The following DDC variants were observed in gnomAD, a reference collection of about 807,000 sequenced individuals.
The protein encoded by DDC is aromatic-L-amino-acid decarboxylase.
In DDC, 43 loss-of-function variants were observed where a neutral mutation model predicts 60.0. That is an observed-to-expected ratio of 0.72 (90% CI 0.56 to 0.92). The LOEUF (loss-of-function observed/expected upper bound fraction) is 0.92, where lower values mean the gene tolerates loss of function less well. DDC is among the 40% of genes least tolerant of loss of function. The pLI is 0.00. For missense variants in DDC, 573 were observed against 620.2 expected, an observed-to-expected ratio of 0.92 and a Z score of 0.81; for synonymous variants, 232 against 234.6, an observed-to-expected ratio of 0.99 and a Z score of 0.10.
chr7:50,511,008 A>G, intron 6 of DDC, among the ~76,000 whole-genome samples: 2 of 145,708 alleles, frequency 1.4e-5, no homozygotes, highest in Middle Eastern at 3.5e-3. Context: ...AAAAAACTCA[A>G]CTGTTTAACA....
At chr7:50,508,950 C>G (rs1470750) in intron 6 of DDC, among the ~76,000 whole-genome samples, 44,969 of 152,104 alleles carry the variant, frequency 0.3, 8,190 homozygotes, top group Non-Finnish European at 0.41. Flanking sequence ...AAGAAAGGCA[C>G]CATGCCCAGA....
intron 3 of DDC, among the ~76,000 whole-genome samples, chr7:50,539,360 C>T (rs576755030): frequency 8.5e-5 from 13 of 152,176 alleles, no homozygotes; most frequent in Admixed American, 4.6e-4. Flanking sequence ...CCCTGCCTAC[C>T]GTTCTTCTGA....
At position 50,499,311 on chromosome 7, in the gene DDC, G is replaced by A. The variant is rs140286060; in HGVS notation, c.782-69C>T. On this transcript the variant is annotated intron_variant, in intron 7 of 14. Coordinates refer to ENST00000444124, the MANE Select transcript of DDC (RefSeq NM_001082971.2). ...ACCACGGAGCCTGCCAGCTGACCTC[G>A]CCCTGTCTGAGCACCTTCTTGGGTA... 6.2e-3 allele frequency: 6,768 copies of A among 1,084,480 alleles called. 34 individuals carry two copies. The highest frequency in any genetic ancestry group is 9.4e-3 in the Admixed American group (491 of 52,378). 67.2% of individuals were successfully genotyped at this position (1,084,480 alleles called of 1,614,324 possible).
intron 1 of DDC, among the ~76,000 whole-genome samples, chr7:50,551,627 C>G (rs1029861265): frequency 1.3e-5 from 2 of 152,156 alleles, no homozygotes; most frequent in Admixed American, 1.3e-4. Flanking sequence ...TCACTGCATT[C>G]TTTTCCACTA....
At chr7:50,521,726 C>T (rs2043895900) in intron 6 of DDC, among the ~76,000 whole-genome samples, 1 of 152,130 alleles carries the variant, frequency 6.6e-6, no homozygotes, top group Admixed American at 6.5e-5. Flanking sequence ...ATAATAAAAA[C>T]TCCTAGCAAA....
chr7:50,479,293 C>T lies in DDC; in HGVS notation c.1021+494G>A, dbSNP rs542427596. ...CAGGCACAGAGAGCAGGCCTACTGA[C>T]CAAATGACTTAGGTGCACCTTTGTG... On this transcript the variant is annotated intron_variant, in intron 10 of 14. Coordinates refer to ENST00000444124, the MANE Select transcript of DDC (RefSeq NM_001082971.2). Among the ~76,000 whole-genome samples, 4 of 152,296 alleles carry T rather than the reference C, an allele frequency of 2.6e-5. No individual in the cohort carries two copies. In the South Asian group the frequency reaches 6.2e-4, roughly 24 times the overall value.
chr7:50,554,308 T>TG (rs2045108974), intron 1 of DDC, among the ~76,000 whole-genome samples: 1 of 152,040 alleles, frequency 6.6e-6, no homozygotes, highest in Non-Finnish European at 1.5e-5. Flanking sequence ...AGGGCAACTG[T>TG]GGGGGGCAGG....
intron 9 of DDC, among the ~76,000 whole-genome samples, chr7:50,494,768 T>C (rs527601732): frequency 1.3e-5 from 2 of 152,076 alleles, no homozygotes; most frequent in African/African-American, 4.8e-5. Flanking sequence ...TTCAAGCGAT[T>C]CTCCTGCCTC....
At chr7:50,465,856 A>T (rs192612107) in intron 13 of DDC, among the ~76,000 whole-genome samples, 4 of 152,360 alleles carry the variant, frequency 2.6e-5, no homozygotes, top group Admixed American at 2.0e-4. Flanking sequence ...CATCCTGGAC[A>T]TGGATGGACT....
chr7:50,489,223 T>C (rs1206709685), intron 9 of DDC, among the ~76,000 whole-genome samples: 4 of 152,130 alleles, frequency 2.6e-5, no homozygotes, highest in Admixed American at 1.3e-4. Context: ...GCCAGGCTGG[T>C]CTCGAAGTCC....
At chr7:50,555,433 T>C (rs2045150964) in intron 1 of DDC, among the ~76,000 whole-genome samples, 1 of 152,108 alleles carries the variant, frequency 6.6e-6, no homozygotes, top group Non-Finnish European at 1.5e-5. Flanking sequence ...CTGTCCCAGG[T>C]GTGAAGCTGG....
intron 1 of DDC, among the ~76,000 whole-genome samples, chr7:50,555,657 G>T (rs1439917862): frequency 6.6e-6 from 1 of 152,188 alleles, no homozygotes; most frequent in African/African-American, 2.4e-5. Context: ...AGTTAACATT[G>T]ATATGAACTT....
intron 8 of DDC, among the ~76,000 whole-genome samples, chr7:50,495,692 C>G (rs1383914930): frequency 2.0e-5 from 3 of 151,984 alleles, no homozygotes; most frequent in Non-Finnish European, 4.4e-5. Flanking sequence ...CTAGATTATA[C>G]TCTCATAAAA....
chr7:50,552,235 C>T (rs2045021566), intron 1 of DDC, among the ~76,000 whole-genome samples: 1 of 152,106 alleles, frequency 6.6e-6, no homozygotes, highest in African/African-American at 2.4e-5. Flanking sequence ...TATTTTATGC[C>T]CCCAAGCTGT....
At chr7:50,494,086 G>A (rs1474612418) in intron 9 of DDC, among the ~76,000 whole-genome samples, 1 of 152,182 alleles carries the variant, frequency 6.6e-6, no homozygotes, top group Non-Finnish European at 1.5e-5. Context: ...CTAGTTTCTA[G>A]TGTCCCTGTA....
In DDC at chr7:50,483,903, CA is replaced by C. The variant is rs34971815; in HGVS notation, c.945-4041del. Reference sequence around the variant, plus strand: ...TGGGCGACAGAGCAAGATTCCATCTCAAAAAAAAAAAAAGAATAATAATTTG... The same window carrying C: ...TGGGCGACAGAGCAAGATTCCATCTCAAAAAAAAAAAAGAATAATAATTTG... On this transcript the variant is annotated intron_variant, in intron 9 of 14. Coordinates refer to ENST00000444124, the MANE Select transcript of DDC (RefSeq NM_001082971.2). Among the ~76,000 whole-genome samples, 136 of 139,314 alleles carry C rather than the reference CA, an allele frequency of 9.8e-4. 2 individuals are homozygous for C. The highest frequency in any genetic ancestry group is 2.2e-3 in the African/African-American group (84 of 37,506). The allele number at this position is 139,314 out of a possible 152,430, so 91.4% of individuals were successfully genotyped here. A position where few individuals can be genotyped will look rare whatever the true frequency, so the allele number is the denominator to read the frequency against.
At chr7:50,534,661 C>A (rs1028835703) in intron 4 of DDC, among the ~76,000 whole-genome samples, 6 of 152,006 alleles carry the variant, frequency 3.9e-5, no homozygotes, top group Non-Finnish European at 2.9e-5. Context: ...GAAAAGTAGA[C>A]CTTGTCCCGT....
chr7:50,504,808 G>T (rs1217333866), intron 6 of DDC, among the ~76,000 whole-genome samples: 1 of 152,152 alleles, frequency 6.6e-6, no homozygotes, highest in Non-Finnish European at 1.5e-5. Context: ...GGCCCAGACT[G>T]CCCAAGGCAC....
At chr7:50,492,685 T>TAAACTC (rs113905941) in intron 9 of DDC, 1 of 1,217,602 alleles carries the variant, frequency 8.2e-7, no homozygotes, top group Non-Finnish European at 1.0e-6. Flanking sequence ...TACAAGGAAA[T>TAAACTC]TTTCCAAATG....
Sources: gnomAD v4.1 joint callset for allele counts (sites outside exome capture counted in the v4.1 genomes callset) on GRCh38, gnomAD v4.1.1 for gene constraint, MANE v1.5 for transcripts, NCBI Gene and HGNC (gene_info 2026-07-23, HGNC 2026-07-21) for gene names.